The following HEATR4 variants were observed in gnomAD, a reference collection of about 807,000 sequenced individuals.
HEATR4 encodes HEAT repeat-containing protein 4.
In HEATR4, 95 loss-of-function variants were observed where a neutral mutation model predicts 108.8. The ratio of observed to expected loss-of-function variants is 0.87; its 90% CI spans 0.74 to 1.04. The LOEUF is 1.04. Among genes scored for constraint, HEATR4 ranks in the 50% least tolerant of loss-of-function variants. HEATR4 has a pLI of 0.00. For missense variants in HEATR4, 1,152 were observed against 1,253.8 expected (o/e 0.92, Z 1.23); for synonymous variants, 443 against 459.4 (o/e 0.96, Z 0.46).
At chr14:73,559,450 G>A (rs1452759405), upstream of HEATR4, among the ~76,000 whole-genome samples, 2 of 151,708 alleles carry the variant, frequency 1.3e-5, no homozygotes, top group Non-Finnish European at 2.9e-5. Context: ...ATAAACCTCA[G>A]CCAGGCGCGA....
the HEATR4 span, among the ~76,000 whole-genome samples, chr14:73,589,350 C>A: frequency 6.6e-6 from 1 of 151,540 alleles, no homozygotes; most frequent in East Asian, 1.9e-4. Context: ...TTGAAAGTTT[C>A]GCTCTGTCAC....
At chr14:73,518,818 T>C (rs574479364) in intron 5 of HEATR4, among the ~76,000 whole-genome samples, 15 of 152,230 alleles carry the variant, frequency 9.9e-5, no homozygotes, top group Non-Finnish European at 2.1e-4. Context: ...AGTGATTGTA[T>C]GTTCCTGTGA....
At chr14:73,588,738 T>G in the HEATR4 span, among the ~76,000 whole-genome samples, 1 of 152,084 alleles carries the variant, frequency 6.6e-6, no homozygotes, top group Non-Finnish European at 1.5e-5. Context: ...ATCAATCAAA[T>G]GTTAAGCCAG....
intron 7 of HEATR4, among the ~76,000 whole-genome samples, chr14:73,511,564 T>A (rs921655372): frequency 1.7e-5 from 2 of 119,372 alleles, no homozygotes; most frequent in Admixed American, 8.4e-5. Context: ...AATAAATAAA[T>A]AAAATAAAAT....
At chr14:73,619,639 C>G in the HEATR4 span, 1 of 1,614,166 alleles carries the variant, frequency 6.2e-7, no homozygotes, top group African/African-American at 1.3e-5. Context: ...AATCTGTTAC[C>G]CAGAAACTGG....
chr14:73,631,266 T>C, the HEATR4 span, among the ~76,000 whole-genome samples: 2 of 152,036 alleles, frequency 1.3e-5, no homozygotes, highest in African/African-American at 4.8e-5. Context: ...TTAATTAAGA[T>C]AGAATAGTAG....
At chr14:73,622,936 T>G in the HEATR4 span, among the ~76,000 whole-genome samples, 2 of 151,716 alleles carry the variant, frequency 1.3e-5, no homozygotes, top group South Asian at 2.1e-4. Context: ...TGAGACAGAG[T>G]TTTGCTCTTG....
intron 1 of HEATR4, among the ~76,000 whole-genome samples, chr14:73,535,434 G>A (rs558043583): frequency 1.0e-5 from 1 of 98,662 alleles, no homozygotes; most frequent in Admixed American, 1.2e-4. Context: ...TCAAACATAT[G>A]AACCCTCTCC....
intron 11 of HEATR4, 32 bp from the exon 12 acceptor site, chr14:73,500,762 C>T (rs1354380281): frequency 1.2e-6 from 2 of 1,601,354 alleles, no homozygotes; most frequent in Non-Finnish European, 8.5e-7. Flanking sequence ...CCTTTCACCT[C>T]CTTAAACTTT....
At chr14:73,584,935 C>T in the HEATR4 span, among the ~76,000 whole-genome samples, 2 of 151,836 alleles carry the variant, frequency 1.3e-5, no homozygotes, top group African/African-American at 2.4e-5. Flanking sequence ...CTTCCTGATC[C>T]CGTAACACCT....
the HEATR4 span, chr14:73,619,646 C>T: frequency 6.2e-7 from 1 of 1,614,212 alleles, no homozygotes; most frequent in Non-Finnish European, 8.5e-7. Flanking sequence ...TACCCAGAAA[C>T]TGGTCACTGT....
chr14:73,592,282 T>TG, the HEATR4 span: 15 of 1,612,244 alleles, frequency 9.3e-6, no homozygotes, highest in Non-Finnish European at 1.2e-5. Context: ...GAGTTGGAGG[T>TG]GCTGGACGGC....
intron 1 of HEATR4, among the ~76,000 whole-genome samples, chr14:73,545,389 G>C (rs1421611731): frequency 1.4e-4 from 13 of 91,706 alleles, no homozygotes; most frequent in Admixed American, 4.1e-4. Flanking sequence ...AGGAATTCAT[G>C]GTTTTGTAGC....
At chr14:73,622,283 G>A in the HEATR4 span, among the ~76,000 whole-genome samples, 1 of 152,062 alleles carries the variant, frequency 6.6e-6, no homozygotes, top group East Asian at 1.9e-4. Flanking sequence ...AAGAACTAGG[G>A]CAAGACAGCC....
chr14:73,497,777 C>T (rs1465796290), intron 14 of HEATR4, among the ~76,000 whole-genome samples: 1 of 151,998 alleles, frequency 6.6e-6, no homozygotes, highest in East Asian at 1.9e-4. Context: ...CAGGCATGTG[C>T]CACCATGCCT....
At chr14:73,498,102 T>C (rs1278111908) in intron 14 of HEATR4, 53 bp downstream of exon 14, 5 of 1,504,878 alleles carry the variant, frequency 3.3e-6, no homozygotes, top group African/African-American at 2.8e-5. Context: ...TGAGCAAAGA[T>C]GTGAGAGTTG....
the HEATR4 span, among the ~76,000 whole-genome samples, chr14:73,585,820 CTT>C: frequency 1.2e-4 from 14 of 115,508 alleles, no homozygotes; most frequent in Non-Finnish European, 1.4e-4. Context: ...TTGTCTTTTT[CTT>C]TTTTTTTTTT....
At chr14:73,620,900 C>T in the HEATR4 span, among the ~76,000 whole-genome samples, 5 of 151,484 alleles carry the variant, frequency 3.3e-5, no homozygotes, top group African/African-American at 1.2e-4. Context: ...CATTGCTGAA[C>T]ATTTACTCAA....
At chr14:73,554,990 G>C (rs1183502744) in intron 1 of HEATR4, among the ~76,000 whole-genome samples, 3 of 113,008 alleles carry the variant, frequency 2.7e-5, no homozygotes, top group Admixed American at 1.0e-4. Flanking sequence ...TTCAACTTTG[G>C]ATTATGAAAC....
Sources: allele counts gnomAD v4.1 joint callset (sites outside exome capture counted in the v4.1 genomes callset), GRCh38; gene constraint gnomAD v4.1.1; transcripts MANE v1.5; gene names NCBI Gene and HGNC (gene_info 2026-07-23, HGNC 2026-07-21).